TNS1: variants seen among roughly 807,000 people sequenced by gnomAD.
TNS1 encodes the protein tensin-1.
A neutral mutation model predicts 168.6 loss-of-function variants in TNS1; 62 were observed. That is an observed-to-expected ratio of 0.37 (90% CI 0.30 to 0.45). TNS1 has a LOEUF of 0.45. TNS1 is among the 20% of genes least tolerant of loss of function. The pLI, the probability that TNS1 is intolerant of heterozygous loss-of-function variation, is 1.00. For missense variants in TNS1, 2,240 were observed against 2,339.4 expected (o/e 0.96, Z 0.88); for synonymous variants, 934 against 933.2 (o/e 1.00, Z -0.02).
At chr2:217,946,356 T>A (rs976292189) in intron 3 of TNS1, among the ~76,000 whole-genome samples, 1 of 152,196 alleles carries the variant, frequency 6.6e-6, no homozygotes, top group Admixed American at 6.5e-5. Context: ...GATTTGTTCA[T>A]TGTCTCCCTT....
intron 13 of TNS1, 75 bp downstream of exon 13, chr2:217,886,459 T>G (rs1951209556): frequency 8.2e-7 from 1 of 1,217,316 alleles, no homozygotes; most frequent in African/African-American, 1.5e-5. Flanking sequence ...CTACCCAAGG[T>G]TGCCTCTTAG....
chr2:217,891,779 C>A (rs1951767622), intron 11 of TNS1, among the ~76,000 whole-genome samples: 1 of 152,296 alleles, frequency 6.6e-6, no homozygotes, highest in South Asian at 2.1e-4. Flanking sequence ...CTTCAAACAC[C>A]TCAGCCCCTC....
chr2:218,006,042 T>C (rs778236829), upstream of TNS1, among the ~76,000 whole-genome samples: 13 of 152,216 alleles, frequency 8.5e-5, no homozygotes, highest in Non-Finnish European at 1.8e-4. Flanking sequence ...TACACTGGCA[T>C]CCCAGAAGCC....
intron 9 of TNS1, among the ~76,000 whole-genome samples, chr2:217,894,395 G>A (rs1392248425): frequency 6.6e-6 from 1 of 152,242 alleles, no homozygotes; most frequent in African/African-American, 2.4e-5. Context: ...GCTGGCCCAT[G>A]CCTGTAATCC....
rs7559273 is a variant in TNS1, at chr2:217,813,859, C to G, written c.4730-43G>C. 17 of 1,535,554 alleles carry G rather than the reference C, an allele frequency of 1.1e-5. No individual in the cohort carries two copies. The South Asian group carries it at 1.9e-4, about 17-fold the overall frequency. ...AAGGAGAGAGGAGGAAGCAAGACCT[C>G]GGTGGCGCTAGTTTTACTTAAGTCT... On this transcript the variant is annotated intron_variant, in intron 25 of 32. Coordinates refer to ENST00000682258, the MANE Select transcript of TNS1 (RefSeq NM_001387777.1). This position sits in a 1 kb window ranked among gnomAD's most constrained non-coding sequence, Gnocchi z 4.0.
intron 18 of TNS1, among the ~76,000 whole-genome samples, chr2:217,850,900 C>T (rs1022596714): frequency 1.3e-5 from 2 of 152,226 alleles, no homozygotes; most frequent in Middle Eastern, 3.4e-3. Context: ...ACAGCGCAAA[C>T]GCCAACACTT....
chr2:218,014,685 C>T (rs567937457), upstream of TNS1, among the ~76,000 whole-genome samples: 8 of 152,176 alleles, frequency 5.3e-5, no homozygotes, highest in Non-Finnish European at 1.0e-4. Context: ...GCACTTAGAA[C>T]TGTTTCTTGT....
chr2:217,976,292 A>G (rs537576292), intron 3 of TNS1, among the ~76,000 whole-genome samples: 1 of 152,322 alleles, frequency 6.6e-6, no homozygotes, highest in Admixed American at 6.5e-5. Context: ...TCCTGCCTAG[A>G]AGCAGGGGAT....
intron 2 of TNS1, among the ~76,000 whole-genome samples, chr2:217,989,469 G>A (rs1192214454): frequency 6.6e-6 from 1 of 152,146 alleles, no homozygotes; most frequent in Non-Finnish European, 1.5e-5. Context: ...CCTGCAATTG[G>A]TGGGACGTGG....
intron 22 of TNS1, among the ~76,000 whole-genome samples, chr2:217,827,578 A>G (rs1943802176): frequency 6.6e-6 from 1 of 152,194 alleles, no homozygotes; most frequent in Non-Finnish European, 1.5e-5. Flanking sequence ...CGGTGCCTGC[A>G]GGCAGGAGAA....
At chr2:217,862,480 G>A (rs925063911) in intron 18 of TNS1, among the ~76,000 whole-genome samples, 20 of 152,168 alleles carry the variant, frequency 1.3e-4, no homozygotes, top group African/African-American at 4.8e-4. Flanking sequence ...GTAGGAGGGT[G>A]GGTCTGGATA....
rs1024362206 is a variant in TNS1 at position 217,962,374 on chromosome 2, C to T, written c.186+16391G>A. Among the ~76,000 whole-genome samples, 9 of 152,058 alleles carry T rather than the reference C, an allele frequency of 5.9e-5. No homozygotes were observed. In the East Asian group the frequency reaches 1.2e-3, roughly 20 times the overall value. ...AGGAGAATTGCTTGAACCCAGGAGG[C>T]GGAGGTTGCAGTGAGCCGAGATCAT... On this transcript the variant is annotated intron_variant, in intron 3 of 32. Transcript: ENST00000682258.
intron 2 of TNS1, 193 bp from the exon 3 acceptor site, chr2:217,978,995 G>T: frequency 1.8e-6 from 1 of 556,476 alleles, no homozygotes. Context: ...GGGCGGGAGT[G>T]CCCGGGACTG....
Position 217,803,752 on chromosome 2 carries a change from C to T in TNS1, c.*707G>A, listed in dbSNP as rs941409921. ...TCCCCTGCTGCACTGCCACCACCAA[C>T]CCTAATCTTTGGACAGTATGCATGT... On this transcript the variant is annotated 3_prime_UTR_variant, in exon 33 of 33. Coordinates refer to ENST00000682258, the MANE Select transcript of TNS1 (RefSeq NM_001387777.1). 7 of 152,752 alleles carry T rather than the reference C, an allele frequency of 4.6e-5. No homozygotes were observed. The highest frequency in any genetic ancestry group is 1.4e-4 in the African/African-American group (6 of 41,448). The allele number at this position is 152,752 out of a possible 1,614,324, so 9.5% of individuals were successfully genotyped here. A position where few individuals can be genotyped will look rare whatever the true frequency, so the allele number is the denominator to read the frequency against.
chr2:217,833,987 TG>T (rs1375286675), intron 21 of TNS1, among the ~76,000 whole-genome samples: 3 of 152,242 alleles, frequency 2.0e-5, no homozygotes, highest in African/African-American at 7.2e-5. Flanking sequence ...TTAACAAAAA[TG>T]TTATTAAAAT....
chr2:217,807,967 G>T, intron 32 of TNS1, 108 bp downstream of exon 32: 2 of 1,335,994 alleles, frequency 1.5e-6, no homozygotes, highest in Admixed American at 1.9e-5. Context: ...AAAGGTTTTT[G>T]CTGCTCTTTC....
intron 4 of TNS1, among the ~76,000 whole-genome samples, chr2:217,915,940 G>A (rs773316740): frequency 3.9e-5 from 6 of 152,188 alleles, no homozygotes; most frequent in Non-Finnish European, 7.3e-5. Context: ...TGACAGTGAC[G>A]TCAGTTATTA....
At position 217,812,383 on chromosome 2, in the gene TNS1, C is replaced by T; in HGVS notation, c.5017G>A (p.Val1673Ile). ...ACGTTCCTACCTCGGTTTGGAATGACCAGCTTGCAAGGCAGGGCCAATGGG... is the reference window on the plus strand; with the variant it reads ...ACGTTCCTACCTCGGTTTGGAATGATCAGCTTGCAAGGCAGGGCCAATGGG... ...IIPLALPCKL[V>I]IPNRDPTDES... is the part of the protein sequence containing the mutation. The change falls in exon 28 of 33, where the codon GTC (valine) becomes ATC (isoleucine). Residue 1673 changes from valine to isoleucine, a missense_variant. Around this residue, in one of 2 missense-constraint regions of TNS1, gnomAD observed 2,131 missense variants for 2,171.2 expected, o/e 0.98. Transcript: ENST00000682258. 1 of 1,614,010 alleles carries T rather than the reference C, an allele frequency of 6.2e-7. No homozygotes were observed.
chr2:217,808,258 CA>C, intron 31 of TNS1, 151 bp from the exon 32 acceptor site: 1 of 922,702 alleles, frequency 1.1e-6, no homozygotes, highest in Non-Finnish European at 1.7e-6. Context: ...TCCCCAGGGA[CA>C]GGAGCTGCCC....
Sources: gnomAD v4.1 joint callset for allele counts (sites outside exome capture counted in the v4.1 genomes callset) on GRCh38, gnomAD v4.1.1 for gene constraint, gnomAD v4.1.1 regional missense constraint, Gnocchi (gnomAD v3.1) non-coding constraint, MANE v1.5 for transcripts, NCBI Gene and HGNC (gene_info 2026-07-23, HGNC 2026-07-21) for gene names.